The following ZNF701 variants were observed in gnomAD, a reference collection of about 807,000 sequenced individuals.
ZNF701 encodes the protein zinc finger protein 701.
ZNF701 carries 6 observed loss-of-function variants against 7.1 expected under a neutral mutation model. That is an observed-to-expected ratio of 0.84 (90% CI 0.46 to 1.66). The LOEUF (loss-of-function observed/expected upper bound fraction) is 1.66. ZNF701 is among the 40% of genes most tolerant of loss of function. The probability of loss-of-function intolerance (pLI) is 0.01; values close to 1 mark genes in which losing one functional copy is unlikely to be tolerated. For synonymous variants in ZNF701, 166 were observed against 188.2 expected, an observed-to-expected ratio of 0.88 and a Z score of 0.97; for missense variants, 541 against 559.2, an observed-to-expected ratio of 0.97 and a Z score of 0.33.
rs746103587 is a variant in ZNF701 at position 52,584,095 on chromosome 19, C to T, written c.*638C>T. The T allele has an allele frequency of 1.7e-5, 7 of 421,326 alleles. No homozygotes were observed. The highest frequency in any genetic ancestry group is 4.8e-6 in the Non-Finnish European group (1 of 206,912). The allele number at this position is 421,326 out of a possible 1,614,324, so 26.1% of individuals were successfully genotyped here. A position where few individuals can be genotyped will look rare whatever the true frequency, so the allele number is the denominator to read the frequency against. On this transcript the variant is annotated 3_prime_UTR_variant, in exon 4 of 4. Coordinates refer to ENST00000391785, the MANE Select transcript of ZNF701 (RefSeq NM_018260.3). ...TTCACGTTCACACCACATTAGATAT[C>T]AGAGGATCCATACTGGACAGAAATC...
intron 3 of ZNF701, among the ~76,000 whole-genome samples, chr19:52,577,581 G>A (rs1444242448): frequency 6.6e-6 from 1 of 151,602 alleles, no homozygotes; most frequent in Non-Finnish European, 1.5e-5. Flanking sequence ...AGGTGCTGAA[G>A]GGACATGGTG....
downstream of ZNF701, among the ~76,000 whole-genome samples, chr19:52,590,024 C>T (rs545595788): frequency 9.7e-4 from 147 of 152,032 alleles, no homozygotes; most frequent in Non-Finnish European, 1.2e-3. Flanking sequence ...GATCTCCCGA[C>T]CTCAGGTGAT....
At chr19:52,592,651 G>A in the ZNF701 span, among the ~76,000 whole-genome samples, 1,544 of 152,224 alleles carry the variant, frequency 0.01, 29 homozygotes, top group African/African-American at 0.036. Context: ...GTGCAGTGTC[G>A]TGATCTCAGC....
chr19:52,575,397 A>T (rs2059927664), intron 2 of ZNF701, among the ~76,000 whole-genome samples: 1 of 152,196 alleles, frequency 6.6e-6, no homozygotes, highest in Non-Finnish European at 1.5e-5. Flanking sequence ...GAGACAAATG[A>T]CAACACTTTG....
At chr19:52,593,758 C>T in the ZNF701 span, among the ~76,000 whole-genome samples, 3 of 108,668 alleles carry the variant, frequency 2.8e-5, no homozygotes, top group South Asian at 3.2e-4. Flanking sequence ...ACATCCCAGA[C>T]GGGGTGGCAG....
intron 3 of ZNF701, 140 bp from the exon 4 acceptor site, chr19:52,582,062 C>A: frequency 1.5e-6 from 1 of 651,890 alleles, no homozygotes; most frequent in Non-Finnish European, 2.4e-6. Context: ...AAGGATCTTA[C>A]TCCTTTTGTG....
In ZNF701 at chr19:52,583,856, TAATG is replaced by T; in HGVS notation, c.*402_*405del. The T allele has an allele frequency of 2.0e-6, 1 of 507,084 alleles. No homozygotes were observed. Among genetic ancestry groups the T allele is most frequent in the East Asian group, 4.2e-5 (1 of 23,870 alleles). The allele number at this position is 507,084 out of a possible 1,614,324, so 31.4% of individuals were successfully genotyped here. ...CCATTGCAAAACATTGGAGAATCCATAATGAAGGAGGTCTTACAAGTGTAATAAA... is the reference window on the plus strand; with the variant it reads ...CCATTGCAAAACATTGGAGAATCCATAAGGAGGTCTTACAAGTGTAATAAA... On this transcript the variant is annotated 3_prime_UTR_variant, in exon 4 of 4. Transcript: ENST00000391785.
intron 3 of ZNF701, among the ~76,000 whole-genome samples, chr19:52,579,913 A>G (rs2146989810): frequency 7.1e-6 from 1 of 141,204 alleles, no homozygotes; most frequent in Admixed American, 6.8e-5. Context: ...AAAGTTTCAT[A>G]ACCTGCAAAA....
chr19:52,574,485 A>C lies in ZNF701; in HGVS notation c.15+323A>C, dbSNP rs113556815. On this transcript the variant is annotated intron_variant, in intron 2 of 3. Transcript: ENST00000391785. ...AGGGGCCACATCTGGATGCACTGTC[A>C]ACTCTCTGTGGACCAGGATTAGAGC... Among the ~76,000 whole-genome samples the C allele has an allele frequency of 4.4e-4, 67 of 152,288 alleles. 1 individual carries two copies. The highest frequency in any genetic ancestry group is 1.5e-3 in the African/African-American group (64 of 41,566).
rs1367570999 is a variant in ZNF701 at position 52,585,319 on chromosome 19, A to G, written c.*1862A>G. 6.6e-6 allele frequency: 1 copy of G among 152,328 alleles called. No homozygotes were observed. The highest frequency in any genetic ancestry group is 1.5e-5 in the Non-Finnish European group (1 of 68,320). 9.4% of individuals were successfully genotyped at this position (152,328 alleles called of 1,614,324 possible). On this transcript the variant is annotated 3_prime_UTR_variant, in exon 4 of 4. Coordinates refer to ENST00000391785, the MANE Select transcript of ZNF701 (RefSeq NM_018260.3). ...GCAGCGCTGCAGCCCCACTCCCGGG[A>G]AGGCCGCGTCCTCTGCCTGGTCCTG...
the ZNF701 span, among the ~76,000 whole-genome samples, chr19:52,599,680 T>C: frequency 6.6e-6 from 1 of 152,226 alleles, no homozygotes; most frequent in Non-Finnish European, 1.5e-5. Context: ...TTGGGAACGC[T>C]GATCCCATTC....
chr19:52,581,490 G>A (rs1277642392), intron 3 of ZNF701, among the ~76,000 whole-genome samples: 1 of 152,038 alleles, frequency 6.6e-6, no homozygotes, highest in Non-Finnish European at 1.5e-5. Context: ...AAAATACTGG[G>A]ATTACAGGCG....
chr19:52,575,444 A>C (rs935072320), intron 2 of ZNF701, among the ~76,000 whole-genome samples: 1 of 150,412 alleles, frequency 6.6e-6, no homozygotes, highest in Non-Finnish European at 1.5e-5. Flanking sequence ...TGTAGGTTTT[A>C]TTTTTTTTTT....
intron 2 of ZNF701, among the ~76,000 whole-genome samples, chr19:52,575,365 T>C (rs1200396671): frequency 6.6e-6 from 1 of 151,970 alleles, no homozygotes; most frequent in African/African-American, 2.4e-5. Flanking sequence ...CACACACACA[T>C]ATGTATATAT....
intron 3 of ZNF701, among the ~76,000 whole-genome samples, chr19:52,579,279 C>G (rs992330699): frequency 7.1e-6 from 1 of 141,588 alleles, no homozygotes; most frequent in African/African-American, 3.1e-5. Context: ...GTAATCCCAG[C>G]ACTTTGGGAG....
At chr19:52,596,587 A>G in the ZNF701 span, 215 of 409,958 alleles carry the variant, frequency 5.2e-4, no homozygotes, top group African/African-American at 4.2e-3. Context: ...CTTGCACATC[A>G]TGGACTTCAT....
chr19:52,570,417 G>A lies in ZNF701; in HGVS notation c.-72+87G>A, dbSNP rs141505242. On this transcript the variant is annotated intron_variant, in intron 1 of 3. Coordinates refer to ENST00000391785, the MANE Select transcript of ZNF701 (RefSeq NM_018260.3). ...TGGGACGTGGGGTCACCACAGACCT[G>A]TAAATTCTCGCCCATCTTCCTTCAA... The A allele has an allele frequency of 6.8e-3, 1,029 of 152,380 alleles. 8 individuals carry two copies. Among genetic ancestry groups the A allele is most frequent in the Admixed American group, 0.019 (295 of 15,292 alleles). The allele number at this position is 152,380 out of a possible 1,614,324, so 9.4% of individuals were successfully genotyped here.
the ZNF701 span, among the ~76,000 whole-genome samples, chr19:52,599,891 C>T: frequency 6.6e-6 from 1 of 152,142 alleles, no homozygotes; most frequent in Non-Finnish European, 1.5e-5. Flanking sequence ...GTTTCTCCCC[C>T]TCCCTCAGGA....
chr19:52,593,540 C>A, the ZNF701 span, among the ~76,000 whole-genome samples: 14 of 112,308 alleles, frequency 1.2e-4, 5 homozygotes, highest in Non-Finnish European at 1.7e-4. Context: ...GGGGGGCTGA[C>A]CCCCCCACCT....
Sources: gnomAD v4.1 joint callset for allele counts (sites outside exome capture counted in the v4.1 genomes callset) on GRCh38, gnomAD v4.1.1 for gene constraint, MANE v1.5 for transcripts, NCBI Gene and HGNC (gene_info 2026-07-23, HGNC 2026-07-21) for gene names.